The following POU2AF1 variants were observed in gnomAD, a reference collection of about 807,000 sequenced individuals.
The protein encoded by POU2AF1 is POU class 2 homeobox associating factor 1.
A neutral mutation model predicts 26.3 loss-of-function variants in POU2AF1; 12 were observed. The ratio of observed to expected loss-of-function variants is 0.46; its 90% CI spans 0.29 to 0.74. The LOEUF is 0.74. Ranked by LOEUF, POU2AF1 falls within the 30% of genes least tolerant of loss-of-function variation. The pLI, the probability that POU2AF1 is intolerant of heterozygous loss-of-function variation, is 0.09. For missense variants in POU2AF1, 297 were observed against 334.5 expected, an observed-to-expected ratio of 0.89 and a Z score of 0.87; for synonymous variants, 175 against 148.0, an observed-to-expected ratio of 1.18 and a Z score of -1.32.
intron 1 of POU2AF1, among the ~76,000 whole-genome samples, chr11:111,368,578 T>C (rs1457383664): frequency 1.3e-5 from 2 of 152,224 alleles, no homozygotes; most frequent in African/African-American, 2.4e-5. Flanking sequence ...GAGCTACCCT[T>C]GATGAAGTCA....
In POU2AF1 at chr11:111,354,475, A is replaced by G; in HGVS notation, c.557T>C (p.Leu186Pro). Residue 186 changes from leucine (L) to proline (P), a missense_variant, in exon 5 of 5, where the codon CTA becomes CCA. Transcript: ENST00000393067. ...YFPWPQPLST[L>P]PTSTLQYQPP... ...CTGGTACTGCAGGGTGGAGGTGGGT[A>G]GTGTGGAAAGGGGCTGAGGCCACGG... 6.2e-7 allele frequency: 1 copy of G among 1,610,728 alleles called. No homozygotes were observed. Among genetic ancestry groups the G allele is most frequent in the South Asian group, 1.1e-5 (1 of 90,632 alleles).
At position 111,358,886 on chromosome 11, in the gene POU2AF1, G is replaced by C; in HGVS notation, c.49C>G (p.Arg17Gly). Residue 17 changes from arginine (R) to glycine (G), a missense_variant, in exon 2 of 5, where the codon CGG becomes GGG. Coordinates refer to ENST00000393067, the MANE Select transcript of POU2AF1 (RefSeq NM_006235.3). ...TAPEQAPAPA[R>G]PYQGVRVKEP... ...TTCACACGGACGCCCTGGTATGGCC[G>C]GGCCGGGGCTGGGGCTTGCTCCGGA... is the stretch of plus-strand genomic sequence containing the variant. 1 of 1,607,658 alleles carries C rather than the reference G, an allele frequency of 6.2e-7. No homozygotes were observed.
At chr11:111,354,658 C>T (rs542992286) in intron 4 of POU2AF1, 83 bp from the exon 5 acceptor site, 17 of 1,203,838 alleles carry the variant, frequency 1.4e-5, no homozygotes, top group Non-Finnish European at 1.8e-5. Flanking sequence ...GGGTCTCCAT[C>T]TCCCCCTTCA....
At chr11:111,361,082 C>T (rs1352376770) in intron 1 of POU2AF1, among the ~76,000 whole-genome samples, 1 of 152,270 alleles carries the variant, frequency 6.6e-6, no homozygotes, top group Middle Eastern at 3.4e-3. Flanking sequence ...TTTAACTTCC[C>T]CTGTCTGAAC....
intron 1 of POU2AF1, among the ~76,000 whole-genome samples, chr11:111,366,146 T>G (rs1861101043): frequency 6.6e-6 from 1 of 152,230 alleles, no homozygotes; most frequent in South Asian, 2.1e-4. Context: ...GCTTTCCCGC[T>G]CATTTACACT....
At position 111,377,336 on chromosome 11, in the gene POU2AF1, C is replaced by T. The variant is rs765267222; in HGVS notation, c.16+1826G>A. 2.6e-5 allele frequency among the ~76,000 whole-genome samples: 4 copies of T among 151,934 alleles called. No individual in the cohort carries two copies. The East Asian group carries it at 5.8e-4, about 22-fold the overall frequency. On this transcript the variant is annotated intron_variant, in intron 1 of 4. Coordinates refer to ENST00000393067, the MANE Select transcript of POU2AF1 (RefSeq NM_006235.3). ...CAGAGGTTGCAGTGAGCCGAGATCG[C>T]GCCACTGCACTCCAGCCTGGGCAAC...
intron 1 of POU2AF1, among the ~76,000 whole-genome samples, chr11:111,365,687 C>A (rs1185601756): frequency 1.3e-5 from 2 of 152,112 alleles, no homozygotes; most frequent in Non-Finnish European, 2.9e-5. Context: ...ATAAAGAATT[C>A]TTTACATTTT....
At chr11:111,370,547 G>A (rs560520701) in intron 1 of POU2AF1, among the ~76,000 whole-genome samples, 7 of 152,286 alleles carry the variant, frequency 4.6e-5, no homozygotes, top group Admixed American at 4.6e-4. Context: ...GCCTGCAGGT[G>A]CCAACAGAGT....
chr11:111,374,116 A>ATTTTTTTTTT (rs60260380), intron 1 of POU2AF1, among the ~76,000 whole-genome samples: 19 of 109,630 alleles, frequency 1.7e-4, no homozygotes, highest in South Asian at 5.8e-4. Context: ...GGCAAACTTG[A>ATTTTTTTTTT]TTTTTTTTTT....
chr11:111,357,313 C>T (rs1054847853), intron 4 of POU2AF1, 132 bp downstream of exon 4: 1 of 1,318,966 alleles, frequency 7.6e-7, no homozygotes, highest in Admixed American at 2.0e-5. Context: ...TCCATGGAGA[C>T]CAAGGCGAGC....
chr11:111,354,842 G>A (rs529996768), intron 4 of POU2AF1, among the ~76,000 whole-genome samples: 20 of 152,232 alleles, frequency 1.3e-4, no homozygotes, highest in Non-Finnish European at 1.8e-4. Context: ...TCTCATCTAC[G>A]AAATAGAATA....
At chr11:111,362,291 T>C (rs1479383797) in intron 1 of POU2AF1, among the ~76,000 whole-genome samples, 1 of 152,240 alleles carries the variant, frequency 6.6e-6, no homozygotes, top group Non-Finnish European at 1.5e-5. Context: ...CCCTCAAGCA[T>C]TTGTCACCTC....
In POU2AF1 at chr11:111,357,796, C is replaced by T. The variant is rs748351015; in HGVS notation, c.189G>A (p.Val63=). 1.9e-6 allele frequency: 3 copies of T among 1,613,210 alleles called. No individual in the cohort carries two copies. The highest frequency in any genetic ancestry group is 1.7e-6 in the Non-Finnish European group (2 of 1,179,692). The change falls in exon 3 of 5, where the codon GTG becomes GTA. Residue 63 remains valine, a splice_region_variant and synonymous_variant. Transcript: ENST00000393067. ...ACCAGGGCTACGGGGCACTCTTACC[C>T]ACTGTGGTGTAGGTCGCCAGGGGCT... is the stretch of plus-strand genomic sequence containing the variant. ...PHQPLATYTT[V]GPSCLDMEGS... is the part of the protein sequence containing the mutation.
intron 1 of POU2AF1, chr11:111,363,041 G>T: frequency 1.3e-6 from 1 of 756,412 alleles, no homozygotes; most frequent in Non-Finnish European, 1.6e-6. Flanking sequence ...TTTCTAAGTC[G>T]ATGAACAAAG....
intron 2 of POU2AF1, among the ~76,000 whole-genome samples, chr11:111,358,403 T>TCACACAC (rs1565360747): frequency 1.4e-4 from 3 of 22,064 alleles, no homozygotes; most frequent in African/African-American, 3.2e-4. Flanking sequence ...CTCACACACA[T>TCACACAC]ACTCTCTCAC....
At chr11:111,376,455 T>C (rs1054864057) in intron 1 of POU2AF1, among the ~76,000 whole-genome samples, 9 of 152,180 alleles carry the variant, frequency 5.9e-5, no homozygotes, top group African/African-American at 9.7e-5. Flanking sequence ...CTTCATCCAA[T>C]TGGCCCATCA....
intron 1 of POU2AF1, among the ~76,000 whole-genome samples, chr11:111,378,813 C>T (rs946654475): frequency 1.3e-5 from 2 of 152,340 alleles, no homozygotes; most frequent in African/African-American, 2.4e-5. Context: ...TCCCTCCCAA[C>T]CCCAAACCCA....
chr11:111,354,868 T>G (rs1860813130), intron 4 of POU2AF1, among the ~76,000 whole-genome samples: 1 of 152,248 alleles, frequency 6.6e-6, no homozygotes, highest in Admixed American at 6.5e-5. Flanking sequence ...AGTAATGAAC[T>G]CATTGGGTTA....
intron 1 of POU2AF1, among the ~76,000 whole-genome samples, chr11:111,370,759 A>G (rs1861194512): frequency 6.6e-6 from 1 of 152,230 alleles, no homozygotes; most frequent in Non-Finnish European, 1.5e-5. Context: ...CCTAAGATGC[A>G]TCTGCACACC....
Sources: allele counts gnomAD v4.1 joint callset (sites outside exome capture counted in the v4.1 genomes callset), GRCh38; gene constraint gnomAD v4.1.1; transcripts MANE v1.5; gene names NCBI Gene and HGNC (gene_info 2026-07-23, HGNC 2026-07-21).